RAD51B: variants seen among roughly 807,000 people sequenced by gnomAD.
The protein encoded by RAD51B is RAD51 paralog B.
Under a neutral mutation model 42.2 loss-of-function variants are expected in RAD51B, and 38 were observed. The observed-to-expected ratio is 0.90, with a 90% confidence interval of 0.70 to 1.18. The LOEUF is 1.18. Among genes scored for constraint, RAD51B ranks in the 50% most tolerant of loss-of-function variants. The pLI, the probability that RAD51B is intolerant of heterozygous loss-of-function variation, is 0.00. For synonymous variants in RAD51B, 154 were observed against 145.2 expected, an observed-to-expected ratio of 1.06 and a Z score of -0.43; for missense variants, 373 against 400.7, an observed-to-expected ratio of 0.93 and a Z score of 0.59.
chr14:68,406,741 G>T (rs1447523128), intron 8 of RAD51B, among the ~76,000 whole-genome samples: 1 of 151,902 alleles, frequency 6.6e-6, no homozygotes, highest in Non-Finnish European at 1.5e-5. Context: ...TTAACTTTTT[G>T]ATCTTGTAAT....
intron 7 of RAD51B, among the ~76,000 whole-genome samples, chr14:68,244,299 G>A (rs1005862921): frequency 1.3e-5 from 2 of 152,172 alleles, no homozygotes; most frequent in Admixed American, 1.3e-4. Flanking sequence ...CTAGGAAATC[G>A]AGGCTTTTTC....
intron 8 of RAD51B, among the ~76,000 whole-genome samples, chr14:68,301,777 T>G (rs1049342096): frequency 6.6e-6 from 1 of 152,048 alleles, no homozygotes; most frequent in Non-Finnish European, 1.5e-5. Context: ...TTTTGTATTT[T>G]TAGTGGAGAT....
Position 68,505,429 on chromosome 14 carries a change from C to T in RAD51B, c.1036+37179C>T, listed in dbSNP as rs550501983. Among the ~76,000 whole-genome samples the T allele has an allele frequency of 1.7e-4, 25 of 150,848 alleles. 2 individuals are homozygous for T. In the South Asian group the frequency reaches 5.1e-3, roughly 31 times the overall value. The stretch of plus-strand genomic sequence containing the variant: ...CAGTGGGGCACAGTGAGAAATCTGT[C>T]AGCTGCCCGCTCTGTCCAGATCCAC... On this transcript the variant is annotated intron_variant, in intron 10 of 10. Transcript: ENST00000487270.
chr14:68,255,463 T>C (rs1368344973), intron 7 of RAD51B, among the ~76,000 whole-genome samples: 3 of 152,238 alleles, frequency 2.0e-5, no homozygotes, highest in Non-Finnish European at 2.9e-5. Flanking sequence ...CTTAGTTACC[T>C]AATTCCTTTT....
At chr14:68,306,982 C>G (rs1391286932) in intron 8 of RAD51B, among the ~76,000 whole-genome samples, 1 of 151,102 alleles carries the variant, frequency 6.6e-6, no homozygotes, top group Non-Finnish European at 1.5e-5. Flanking sequence ...CATGACAGCT[C>G]CTCTTGGATT....
At chr14:68,128,143 A>G (rs1268664963) in intron 7 of RAD51B, among the ~76,000 whole-genome samples, 6 of 152,230 alleles carry the variant, frequency 3.9e-5, no homozygotes, top group African/African-American at 7.2e-5. Context: ...CCTTCTGAAC[A>G]TGGCAGTATT....
At chr14:68,546,727 G>A (rs1888254273) in intron 10 of RAD51B, among the ~76,000 whole-genome samples, 1 of 152,186 alleles carries the variant, frequency 6.6e-6, no homozygotes, top group African/African-American at 2.4e-5. Context: ...GGAGACAGGT[G>A]TGCTCTGAGA....
chr14:68,098,022 G>A lies in RAD51B; in HGVS notation c.757-193862G>A, dbSNP rs543866452. Among the ~76,000 whole-genome samples, 119 of 152,294 alleles carry A rather than the reference G, an allele frequency of 7.8e-4. 2 individuals are homozygous for A. In the South Asian group the frequency reaches 0.024, roughly 31 times the overall value. On this transcript the variant is annotated intron_variant, in intron 7 of 10. Coordinates refer to ENST00000471583, the MANE Select transcript of RAD51B (RefSeq NM_133510.4). ...CTGGAGAACTCTACTCACTTTGCCT[G>A]TCGGATTCAGATGTCTTTCCTACTT...
At chr14:68,384,040 G>C (rs995203591) in intron 8 of RAD51B, among the ~76,000 whole-genome samples, 2 of 152,160 alleles carry the variant, frequency 1.3e-5, no homozygotes, top group African/African-American at 2.4e-5. Context: ...CCACTCACAG[G>C]CTTCTTTGTC....
chr14:68,309,671 GATA>G (rs1474447761), intron 8 of RAD51B, among the ~76,000 whole-genome samples: 1 of 152,128 alleles, frequency 6.6e-6, no homozygotes. Context: ...TAACAATAAT[GATA>G]ATAATGCCAA....
At chr14:68,105,784 T>C (rs1325974608) in intron 7 of RAD51B, among the ~76,000 whole-genome samples, 1 of 151,952 alleles carries the variant, frequency 6.6e-6, no homozygotes, top group Non-Finnish European at 1.5e-5. Context: ...GCAACCACTT[T>C]TGTTTGGTGA....
intron 7 of RAD51B, among the ~76,000 whole-genome samples, chr14:68,188,763 T>C (rs1040345895): frequency 6.6e-6 from 1 of 152,234 alleles, no homozygotes; most frequent in African/African-American, 2.4e-5. Context: ...TTTTGACTTC[T>C]TCTCTAAAGA....
At chr14:68,484,392 C>G (rs1446945037) in intron 10 of RAD51B, among the ~76,000 whole-genome samples, 1 of 127,438 alleles carries the variant, frequency 7.8e-6, no homozygotes, top group African/African-American at 3.4e-5. Context: ...GAGTTTTGCT[C>G]TGTCGCCCAG....
chr14:68,218,092 G>T (rs546392675), intron 7 of RAD51B, among the ~76,000 whole-genome samples: 1 of 152,264 alleles, frequency 6.6e-6, no homozygotes, highest in South Asian at 2.1e-4. Flanking sequence ...CTGAAAACAA[G>T]AAATTAGAGT....
At chr14:68,456,073 T>C (rs1293958191) in intron 9 of RAD51B, among the ~76,000 whole-genome samples, 1 of 152,184 alleles carries the variant, frequency 6.6e-6, no homozygotes, top group Non-Finnish European at 1.5e-5. Flanking sequence ...CAAAAATGCA[T>C]AGTGGAAGAA....
At chr14:68,235,661 G>A (rs1277445558) in intron 7 of RAD51B, among the ~76,000 whole-genome samples, 2 of 116,538 alleles carry the variant, frequency 1.7e-5, no homozygotes, top group Non-Finnish European at 3.2e-5. Flanking sequence ...CCGAGATCCC[G>A]CCACTGCACT....
intron 7 of RAD51B, among the ~76,000 whole-genome samples, chr14:68,035,253 G>C (rs1325668613): frequency 6.6e-6 from 1 of 152,084 alleles, no homozygotes; most frequent in African/African-American, 2.4e-5. Flanking sequence ...AGATTGGCAG[G>C]ATGTTCGTTT....
intron 7 of RAD51B, among the ~76,000 whole-genome samples, chr14:67,967,572 G>T (rs2074807336): frequency 6.6e-6 from 1 of 152,180 alleles, no homozygotes; most frequent in Non-Finnish European, 1.5e-5. Context: ...GGGCTACAGG[G>T]CCCATGCAAG....
chr14:68,460,502 G>T (rs1441536927), intron 9 of RAD51B, among the ~76,000 whole-genome samples: 1 of 152,136 alleles, frequency 6.6e-6, no homozygotes. Flanking sequence ...TGTGCCCAAG[G>T]TTCCTGACAT....
Sources: allele counts gnomAD v4.1 joint callset (sites outside exome capture counted in the v4.1 genomes callset), GRCh38; gene constraint gnomAD v4.1.1; transcripts MANE v1.5; gene names NCBI Gene and HGNC (gene_info 2026-07-23, HGNC 2026-07-21).